The following MMP2 variants were observed in gnomAD, a reference collection of about 807,000 sequenced individuals.
MMP2 encodes 72 kDa type IV collagenase.
In MMP2, 39 loss-of-function variants were observed where a neutral mutation model predicts 74.8. The ratio of observed to expected loss-of-function variants is 0.52; its 90% CI spans 0.40 to 0.68. The LOEUF is 0.68. Among genes scored for constraint, MMP2 ranks in the 30% least tolerant of loss-of-function variants. The probability of loss-of-function intolerance (pLI) is 0.00; values close to 1 mark genes in which losing one functional copy is unlikely to be tolerated. For synonymous variants in MMP2, 367 were observed against 339.8 expected, an observed-to-expected ratio of 1.08 and a Z score of -0.88; for missense variants, 803 against 878.3, an observed-to-expected ratio of 0.91 and a Z score of 1.08.
intron 4 of MMP2, 37 bp downstream of exon 4, chr16:55,485,464 C>T (rs1332450875): frequency 1.9e-6 from 3 of 1,613,908 alleles, no homozygotes; most frequent in Non-Finnish European, 2.5e-6. Context: ...CAGACCTTCT[C>T]TCCTGTCCTC....
chr16:55,498,004 G>A (rs1334598961), intron 10 of MMP2, among the ~76,000 whole-genome samples: 4 of 152,208 alleles, frequency 2.6e-5, no homozygotes, highest in African/African-American at 4.8e-5. Context: ...TTAGCAAAAG[G>A]TGCCTCTTTA....
intron 11 of MMP2, among the ~76,000 whole-genome samples, chr16:55,501,508 G>A (rs1182848436): frequency 1.3e-5 from 2 of 152,236 alleles, no homozygotes; most frequent in Admixed American, 1.3e-4. Flanking sequence ...CTCAGTGGAG[G>A]TGCCTTGGAT....
At chr16:55,487,383 G>C (rs184433303) in intron 5 of MMP2, 3 of 152,476 alleles carry the variant, frequency 2.0e-5, no homozygotes, top group Admixed American at 1.3e-4. Context: ...GAGGCAGGGG[G>C]CTGGCATTGG....
chr16:55,498,122 C>T (rs868862250), intron 10 of MMP2, among the ~76,000 whole-genome samples, 167 bp from the exon 11 acceptor site: 2 of 152,200 alleles, frequency 1.3e-5, no homozygotes, highest in Admixed American at 6.5e-5. Flanking sequence ...ACTTCTAAAG[C>T]CCTCTGTGTG....
Position 55,491,898 on chromosome 16 carries a change from C to T in MMP2, c.1278C>T (p.Thr426=), listed in dbSNP as rs768002173. 1.9e-5 allele frequency: 30 copies of T among 1,613,984 alleles called. No individual in the cohort carries two copies. The highest frequency in any genetic ancestry group is 3.3e-5 in the Admixed American group (2 of 60,006). Residue 426 remains threonine, a synonymous_variant, in exon 8 of 13, where the codon ACC becomes ACT. Transcript: ENST00000219070. ...GGGCCCTGATGGCACCCATTTACACCTACACCAAGAACTTCCGTCTGTCCC... is the reference window on the plus strand; with the variant it reads ...GGGCCCTGATGGCACCCATTTACACTTACACCAAGAACTTCCGTCTGTCCC... ...DPGALMAPIY[T]YTKNFRLSQD...
intron 1 of MMP2, chr16:55,481,500 C>T (rs557950637): frequency 1.8e-5 from 4 of 219,108 alleles, no homozygotes; most frequent in Admixed American, 1.1e-4. Flanking sequence ...CTTTGTGACC[C>T]GAACTGTATA....
At chr16:55,481,826 T>C in intron 1 of MMP2, 1 of 752,828 alleles carries the variant, frequency 1.3e-6, no homozygotes, top group South Asian at 1.4e-5. Flanking sequence ...ACTGGGAAAT[T>C]TCCTATCTCA....
chr16:55,505,207 A>T (rs1337565589), intron 12 of MMP2, 132 bp from the exon 13 acceptor site: 5 of 828,146 alleles, frequency 6.0e-6, no homozygotes, highest in Non-Finnish European at 1.1e-5. Context: ...CTCCTGCCTC[A>T]GCCTTTCAAA....
At chr16:55,502,753 G>A (rs1282492196) in intron 11 of MMP2, 26 bp from the exon 12 acceptor site, 40 of 1,595,622 alleles carry the variant, frequency 2.5e-5, no homozygotes, top group Non-Finnish European at 3.3e-5. Context: ...AGGCCCTGCT[G>A]GTTCACTGTG....
Position 55,496,916 on chromosome 16 carries a change from C to G in MMP2, c.1473-10C>G. The G allele has an allele frequency of 6.2e-7, 1 of 1,613,678 alleles. No individual in the cohort carries two copies. Among genetic ancestry groups the G allele is most frequent in the Admixed American group, 1.7e-5 (1 of 60,012 alleles). ...GATGTGGTTTCCTGTGCCCCCTTGC[C>G]TCCTGCCAGGTTCATTTGGCGGACT... On this transcript the variant is annotated splice_polypyrimidine_tract_variant and intron_variant, in intron 9 of 12. Transcript: ENST00000219070.
At chr16:55,493,427 C>A in intron 9 of MMP2, 134 bp downstream of exon 9, 1 of 1,254,864 alleles carries the variant, frequency 8.0e-7, no homozygotes, top group Non-Finnish European at 1.2e-6. Flanking sequence ...GCAGTTTCTG[C>A]TGTGTATCAA....
At position 55,485,696 on chromosome 16, in the gene MMP2, G is replaced by T. The variant is rs746451802; in HGVS notation, c.751G>T (p.Gly251Cys). The change falls in exon 5 of 13, where the codon GGC (glycine) becomes TGC (cysteine). Residue 251 changes from glycine (G) to cysteine (C), a missense_variant. Around this residue, in one of 3 missense-constraint regions of MMP2, gnomAD observed 555 missense variants for 592.0 expected, o/e 0.94. Coordinates refer to ENST00000219070, the MANE Select transcript of MMP2 (RefSeq NM_004530.6). ...GKEYNSCTDT[G>C]RSDGFLWCST... ...GGAGTACAACAGCTGCACTGATACC[G>T]GCCGCAGCGATGGCTTCCTCTGGTG... 1.2e-6 allele frequency: 2 copies of T among 1,613,964 alleles called. No individual in the cohort carries two copies. Among genetic ancestry groups the T allele is most frequent in the South Asian group, 1.1e-5 (1 of 91,084 alleles).
intron 1 of MMP2, chr16:55,481,652 C>G: frequency 1.9e-6 from 1 of 522,826 alleles, no homozygotes; most frequent in Non-Finnish European, 3.5e-6. Flanking sequence ...GTTTGAACAC[C>G]TCTGACAAAT....
intron 7 of MMP2, 96 bp downstream of exon 7, chr16:55,489,920 A>G: frequency 1.4e-6 from 2 of 1,389,246 alleles, no homozygotes; most frequent in Middle Eastern, 2.4e-4. Flanking sequence ...CACTTCAAGC[A>G]TAGACACTGC....
In MMP2 at chr16:55,489,386, T is replaced by C. The variant is rs559682696; in HGVS notation, c.1007-265T>C. Among the ~76,000 whole-genome samples, 15 of 152,342 alleles carry C rather than the reference T, an allele frequency of 9.8e-5. No homozygotes were observed. In the South Asian group the frequency reaches 3.1e-3, roughly 32 times the overall value. On this transcript the variant is annotated intron_variant, in intron 6 of 12. Coordinates refer to ENST00000219070, the MANE Select transcript of MMP2 (RefSeq NM_004530.6). ...TGGAATCTGGCTTCCTGGGTTTGAATTGCAGCTCTGATACTTCCTAGCAGT... is the reference window on the plus strand; with the variant it reads ...TGGAATCTGGCTTCCTGGGTTTGAACTGCAGCTCTGATACTTCCTAGCAGT...
At chr16:55,489,524 A>G in intron 6 of MMP2, 127 bp from the exon 7 acceptor site, 1 of 1,183,002 alleles carries the variant, frequency 8.5e-7, no homozygotes, top group Non-Finnish European at 1.2e-6. Flanking sequence ...AGATGAGTCT[A>G]AAGATACAGT....
At chr16:55,486,347 C>CTGTGTGTGTGTGTGTGTGTGTG (rs57608135) in intron 5 of MMP2, among the ~76,000 whole-genome samples, 11 of 137,804 alleles carry the variant, frequency 8.0e-5, no homozygotes, top group African/African-American at 2.5e-4. Context: ...GTGTGTGTGC[C>CTGTGTGTGTGTGTGTGTGTGTG]TGTGTGTGTG....
At chr16:55,491,983 TGGA>T in intron 8 of MMP2, 27 bp downstream of exon 8, 1 of 1,061,192 alleles carries the variant, frequency 9.4e-7, no homozygotes, top group Admixed American at 2.2e-5. Flanking sequence ...GGGTTGGGGG[TGGA>T]GGGTGAGGAG....
intron 10 of MMP2, among the ~76,000 whole-genome samples, chr16:55,497,758 C>A (rs1216063454): frequency 6.6e-6 from 1 of 152,190 alleles, no homozygotes; most frequent in Non-Finnish European, 1.5e-5. Flanking sequence ...CCTGGGGATA[C>A]AAGCTCTGCC....
Sources: gnomAD v4.1 joint callset for allele counts (sites outside exome capture counted in the v4.1 genomes callset) on GRCh38, gnomAD v4.1.1 for gene constraint, gnomAD v4.1.1 regional missense constraint, MANE v1.5 for transcripts, NCBI Gene and HGNC (gene_info 2026-07-23, HGNC 2026-07-21) for gene names.